The following EML1 variants were observed in gnomAD, a reference collection of about 807,000 sequenced individuals.
EML1 encodes the protein echinoderm microtubule-associated protein-like 1.
EML1 carries 27 observed loss-of-function variants against 110.4 expected under a neutral mutation model. The ratio of observed to expected loss-of-function variants is 0.24; its 90% CI spans 0.18 to 0.34. The LOEUF (loss-of-function observed/expected upper bound fraction) is 0.34, where lower values mean the gene tolerates loss of function less well. EML1 is among the 10% of genes least tolerant of loss of function. The pLI, the probability that EML1 is intolerant of heterozygous loss-of-function variation, is 1.00. For missense variants in EML1, 741 were observed against 1,030.9 expected, an observed-to-expected ratio of 0.72 and a Z score of 3.85; for synonymous variants, 344 against 385.8, an observed-to-expected ratio of 0.89 and a Z score of 1.27.
intron 1 of EML1, among the ~76,000 whole-genome samples, chr14:99,743,726 CG>C (rs2057071748): frequency 2.0e-5 from 3 of 152,156 alleles, no homozygotes; most frequent in Non-Finnish European, 4.4e-5. Flanking sequence ...ACGCCAGTGT[CG>C]GAAGTACCCT....
Position 99,937,928 on chromosome 14 carries a change from A to C in EML1, c.2191+16A>C. The C allele has an allele frequency of 6.2e-7, 1 of 1,609,092 alleles. No individual in the cohort carries two copies. The highest frequency in any genetic ancestry group is 8.5e-7 in the Non-Finnish European group (1 of 1,175,524). ...CATGTTTTTGGTAAGTTTGCTGCAG[A>C]TTTCACTGGTTCCAACAAAAGAGTG... On this transcript the variant is annotated intron_variant, in intron 20 of 21. Transcript: ENST00000262233.
chr14:99,900,765 G>A (rs982178440), intron 8 of EML1, among the ~76,000 whole-genome samples, 164 bp from the exon 9 acceptor site: 3 of 152,110 alleles, frequency 2.0e-5, no homozygotes, highest in African/African-American at 2.4e-5. Context: ...TGAAGTCATC[G>A]GGAATGTTTT....
chr14:99,901,183 G>C, intron 9 of EML1, 144 bp downstream of exon 9: 1 of 677,400 alleles, frequency 1.5e-6, no homozygotes, highest in Non-Finnish European at 2.6e-6. Context: ...CTGCTTCCCA[G>C]AACCCCTCAG....
At chr14:99,898,817 A>T (rs1202280725) in intron 8 of EML1, among the ~76,000 whole-genome samples, 1 of 152,142 alleles carries the variant, frequency 6.6e-6, no homozygotes, top group Non-Finnish European at 1.5e-5. Flanking sequence ...TAATTTCATC[A>T]GATTTTTAAA....
At chr14:99,819,975 T>A (rs540276919) in intron 1 of EML1, among the ~76,000 whole-genome samples, 1 of 152,300 alleles carries the variant, frequency 6.6e-6, no homozygotes, top group East Asian at 1.9e-4. Context: ...ACACAGGCAA[T>A]TTGCTTATCA....
Position 99,898,084 on chromosome 14 carries a change from G to A in EML1, c.828-149G>A, listed in dbSNP as rs28457699. The A allele has an allele frequency of 1.8e-3, 947 of 520,554 alleles. 9 individuals carry two copies. The highest frequency in any genetic ancestry group is 0.014 in the African/African-American group (746 of 51,568). 32.2% of individuals were successfully genotyped at this position (520,554 alleles called of 1,614,324 possible). On this transcript the variant is annotated intron_variant, in intron 7 of 21. Transcript: ENST00000262233. ...AATTAGGTACTAGTTGTCTAACGTC[G>A]TGGTGCTCAGAGAATTTGTCATGAG... is the stretch of plus-strand genomic sequence containing the variant.
intron 3 of EML1, 40 bp from the exon 4 acceptor site, chr14:99,878,445 G>A (rs377740961): frequency 8.9e-5 from 139 of 1,560,890 alleles, no homozygotes; most frequent in Middle Eastern, 3.4e-4. Context: ...ATAAAGTCAC[G>A]ATATTAAGGA....
chr14:99,822,017 G>GCAGC (rs1244435403), intron 1 of EML1, among the ~76,000 whole-genome samples: 3 of 152,168 alleles, frequency 2.0e-5, no homozygotes, highest in Non-Finnish European at 2.9e-5. Context: ...GGAATAAGCA[G>GCAGC]CAGCCAGCCA....
At chr14:99,812,174 G>A (rs2058091039) in intron 1 of EML1, among the ~76,000 whole-genome samples, 3 of 151,870 alleles carry the variant, frequency 2.0e-5, no homozygotes, top group Non-Finnish European at 2.9e-5. Context: ...CAGTACGTGT[G>A]TGTTGGAGTT....
At chr14:99,878,223 C>T (rs1387091684) in intron 3 of EML1, among the ~76,000 whole-genome samples, 1 of 152,096 alleles carries the variant, frequency 6.6e-6, no homozygotes, top group African/African-American at 2.4e-5. Flanking sequence ...CTGGAGTGCT[C>T]TCACACGGTA....
At chr14:99,788,102 C>T (rs969324033) in intron 1 of EML1, among the ~76,000 whole-genome samples, 6 of 152,170 alleles carry the variant, frequency 3.9e-5, no homozygotes, top group African/African-American at 1.4e-4. Context: ...CCTAGCTTGC[C>T]TGATGTGGCT....
upstream of EML1, among the ~76,000 whole-genome samples, chr14:99,771,871 T>C (rs542891280): frequency 6.6e-6 from 1 of 152,194 alleles, no homozygotes; most frequent in South Asian, 2.1e-4. Context: ...ATGCTGCCAG[T>C]TGGTTCCTTT....
At position 99,817,908 on chromosome 14, in the gene EML1, G is replaced by C. The variant is rs182738216; in HGVS notation, c.67+24365G>C. Among the ~76,000 whole-genome samples the C allele has an allele frequency of 5.3e-5, 8 of 152,304 alleles. No homozygotes were observed. In the East Asian group the frequency reaches 1.3e-3, roughly 26 times the overall value. Reference sequence around the variant, plus strand: ...GCCCCCAGCCCAGCTTGGTATTCTGGTGGTGGTGATAAGGGGTGTTTCCTG... The same window carrying C: ...GCCCCCAGCCCAGCTTGGTATTCTGCTGGTGGTGATAAGGGGTGTTTCCTG... On this transcript the variant is annotated intron_variant, in intron 1 of 21. Coordinates refer to ENST00000262233, the MANE Select transcript of EML1 (RefSeq NM_004434.3).
chr14:99,782,042 C>T (rs924229384), intron 1 of EML1, among the ~76,000 whole-genome samples: 1 of 152,204 alleles, frequency 6.6e-6, no homozygotes, highest in Non-Finnish European at 1.5e-5. Context: ...CAGCAGGAGG[C>T]CCGCAGCCCC....
chr14:99,755,032 T>C (rs2057231770), intron 1 of EML1, among the ~76,000 whole-genome samples: 1 of 152,266 alleles, frequency 6.6e-6, no homozygotes, highest in Non-Finnish European at 1.5e-5. Context: ...CCCAGCATCC[T>C]ACACGGGGCA....
chr14:99,930,812 G>C (rs2060353924), intron 17 of EML1, among the ~76,000 whole-genome samples: 1 of 152,174 alleles, frequency 6.6e-6, no homozygotes, highest in Non-Finnish European at 1.5e-5. Context: ...CAGATCCTTA[G>C]CCTGCCTGTT....
intron 6 of EML1, among the ~76,000 whole-genome samples, chr14:99,895,246 T>G (rs186592956): frequency 2.6e-5 from 4 of 152,346 alleles, no homozygotes; most frequent in Admixed American, 2.0e-4. Flanking sequence ...AACTGATTTT[T>G]TTTTAAGAGA....
At chr14:99,889,240 G>A (rs2059541898) in intron 4 of EML1, among the ~76,000 whole-genome samples, 1 of 152,094 alleles carries the variant, frequency 6.6e-6, no homozygotes, top group Admixed American at 6.5e-5. Context: ...CAGGTTCTTG[G>A]CAGCAGCTGT....
upstream of EML1, among the ~76,000 whole-genome samples, chr14:99,790,679 T>C (rs1029838887): frequency 1.3e-5 from 2 of 152,032 alleles, no homozygotes; most frequent in African/African-American, 4.8e-5. Flanking sequence ...GAAGATGAAA[T>C]GTGCATCTGG....
Sources: gnomAD v4.1 joint callset for allele counts (sites outside exome capture counted in the v4.1 genomes callset) on GRCh38, gnomAD v4.1.1 for gene constraint, MANE v1.5 for transcripts, NCBI Gene and HGNC (gene_info 2026-07-23, HGNC 2026-07-21) for gene names.